The following PTK2 variants were observed in gnomAD, a reference collection of about 807,000 sequenced individuals.
PTK2 encodes the protein focal adhesion kinase 1.
A neutral mutation model predicts 150.1 loss-of-function variants in PTK2; 45 were observed. The ratio of observed to expected loss-of-function variants is 0.30; its 90% CI spans 0.24 to 0.38. PTK2 has a LOEUF of 0.38. Among genes scored for constraint, PTK2 ranks in the 10% least tolerant of loss-of-function variants. PTK2 has a pLI of 1.00. For synonymous variants in PTK2, 432 were observed against 449.2 expected, an observed-to-expected ratio of 0.96 and a Z score of 0.48; for missense variants, 919 against 1,307.3, an observed-to-expected ratio of 0.70 and a Z score of 4.58.
chr8:140,675,762 C>T (rs992681069), intron 27 of PTK2: 2 of 368,386 alleles, frequency 5.4e-6, no homozygotes, highest in African/African-American at 4.1e-5. Flanking sequence ...GTGGTCATAA[C>T]CCATTTAAAA....
chr8:140,877,220 A>G (rs1209824184), intron 4 of PTK2, among the ~76,000 whole-genome samples: 1 of 151,742 alleles, frequency 6.6e-6, no homozygotes, highest in Non-Finnish European at 1.5e-5. Context: ...TTTAGTAGAG[A>G]CAGGGTTTCA....
chr8:140,799,415 A>C (rs761709091), intron 12 of PTK2: 2 of 152,380 alleles, frequency 1.3e-5, no homozygotes, highest in Non-Finnish European at 2.9e-5. Context: ...TTTCCTCTAT[A>C]ATCATCCTAG....
At chr8:140,694,042 C>CTTTTTT (rs797013196) in intron 26 of PTK2, among the ~76,000 whole-genome samples, 7 of 136,970 alleles carry the variant, frequency 5.1e-5, no homozygotes, top group South Asian at 2.4e-4. Flanking sequence ...CTTTTCTTTT[C>CTTTTTT]TTTTTTTTTT....
At chr8:140,842,552 A>G (rs757525920) in intron 7 of PTK2, among the ~76,000 whole-genome samples, 14 of 152,128 alleles carry the variant, frequency 9.2e-5, no homozygotes, top group Non-Finnish European at 1.5e-4. Context: ...ACACGTTTGG[A>G]AACAGACACC....
intron 14 of PTK2, among the ~76,000 whole-genome samples, chr8:140,768,077 C>T (rs1167969484): frequency 6.6e-6 from 1 of 152,102 alleles, no homozygotes; most frequent in East Asian, 1.9e-4. Context: ...TTAATAATGA[C>T]ATTGACTACT....
chr8:140,960,326 T>C (rs2100182714), intron 1 of PTK2, among the ~76,000 whole-genome samples: 1 of 148,228 alleles, frequency 6.7e-6, no homozygotes, highest in African/African-American at 2.5e-5. Context: ...GCCTCCCAAG[T>C]AGCTGGCATG....
At chr8:140,896,580 T>C (rs924894596) in intron 2 of PTK2, among the ~76,000 whole-genome samples, 3 of 152,150 alleles carry the variant, frequency 2.0e-5, no homozygotes, top group Non-Finnish European at 4.4e-5. Flanking sequence ...CCATTCATGA[T>C]AAAAACTCGC....
Position 140,803,005 on chromosome 8 carries a change from C to CTTTTTTTTTT in PTK2, c.975+528_975+537dup, listed in dbSNP as rs778981723. Among the ~76,000 whole-genome samples the CTTTTTTTTTT allele has an allele frequency of 3.5e-4, 27 of 77,364 alleles. 5 individuals are homozygous for CTTTTTTTTTT. The highest frequency in any genetic ancestry group is 1.1e-3 in the African/African-American group (23 of 20,260). The allele number at this position is 77,364 out of a possible 152,430, so 50.8% of individuals were successfully genotyped here. A position where few individuals can be genotyped will look rare whatever the true frequency, so the allele number is the denominator to read the frequency against. ...AATTTCCTTGGTACTTGATGACAAT[C>CTTTTTTTTTT]TTTTTTTTTTTTTTTTTTTTTTTTT... On this transcript the variant is annotated intron_variant, in intron 11 of 31. Coordinates refer to ENST00000522684, the Ensembl canonical transcript of PTK2.
At chr8:140,803,416 C>T (rs2100096434) in intron 11 of PTK2, 127 bp downstream of exon 11, 8 of 734,000 alleles carry the variant, frequency 1.1e-5, no homozygotes, top group Non-Finnish European at 1.9e-5. Context: ...GTAACCCTTT[C>T]TATATATAAG....
chr8:140,998,275 T>C (rs1158920076), intron 1 of PTK2, among the ~76,000 whole-genome samples: 2 of 152,176 alleles, frequency 1.3e-5, no homozygotes, highest in Non-Finnish European at 2.9e-5. Context: ...TTATAAACAC[T>C]TTGAAATGCA....
At chr8:140,949,141 T>A (rs1000264139) in intron 1 of PTK2, among the ~76,000 whole-genome samples, 51 of 152,284 alleles carry the variant, frequency 3.3e-4, no homozygotes, top group Non-Finnish European at 6.8e-4. Flanking sequence ...TCTTAATATT[T>A]CTATATTTCT....
At chr8:140,740,457 C>G (rs1182388163) in intron 20 of PTK2, among the ~76,000 whole-genome samples, 4 of 152,216 alleles carry the variant, frequency 2.6e-5, no homozygotes, top group African/African-American at 9.6e-5. Flanking sequence ...TCTGGACTTT[C>G]TTCTGTAAGC....
chr8:140,944,738 G>A (rs893012849), intron 1 of PTK2, among the ~76,000 whole-genome samples: 15 of 152,094 alleles, frequency 9.9e-5, no homozygotes, highest in Admixed American at 6.6e-5. Context: ...TGTGTACAGC[G>A]CACCCACTGA....
chr8:140,894,610 T>C (rs1426597436), intron 2 of PTK2, among the ~76,000 whole-genome samples: 1 of 152,188 alleles, frequency 6.6e-6, no homozygotes, highest in Admixed American at 6.5e-5. Flanking sequence ...CCAGGATTTA[T>C]TAAGTTAAAA....
In PTK2 at chr8:140,854,547, C is replaced by T. The variant is rs1224518815; in HGVS notation, c.451-7869G>A. Reference sequence around the variant, plus strand: ...CCTCATGAGTCATTAGCTTTATTGTCAAACTCATTTTTATAAATTCCTGCT... The same window carrying T: ...CCTCATGAGTCATTAGCTTTATTGTTAAACTCATTTTTATAAATTCCTGCT... On this transcript the variant is annotated intron_variant, in intron 5 of 31. Transcript: ENST00000522684. 2.0e-5 allele frequency among the ~76,000 whole-genome samples: 3 copies of T among 152,152 alleles called. No homozygotes were observed. In the South Asian group the frequency reaches 6.2e-4, roughly 32 times the overall value.
intron 1 of PTK2, among the ~76,000 whole-genome samples, chr8:140,931,467 A>C (rs1018616700): frequency 6.6e-6 from 1 of 152,196 alleles, no homozygotes; most frequent in Non-Finnish European, 1.5e-5. Context: ...CAGGAGGCTG[A>C]GGTGGGAGGA....
intron 22 of PTK2, among the ~76,000 whole-genome samples, chr8:140,731,522 T>C (rs1315361185): frequency 6.6e-6 from 1 of 152,134 alleles, no homozygotes; most frequent in Non-Finnish European, 1.5e-5. Context: ...CTCATCAAAG[T>C]AGGACCAAGG....
At chr8:140,869,439 A>T (rs1338097804) in intron 4 of PTK2, among the ~76,000 whole-genome samples, 1 of 152,152 alleles carries the variant, frequency 6.6e-6, no homozygotes, top group African/African-American at 2.4e-5. Flanking sequence ...CCTTGTATAG[A>T]ATCAGTAGTG....
At chr8:140,927,994 G>GTA (rs2100170340) in intron 1 of PTK2, among the ~76,000 whole-genome samples, 1 of 79,848 alleles carries the variant, frequency 1.3e-5, no homozygotes, top group Non-Finnish European at 2.3e-5. Flanking sequence ...ATATATATAT[G>GTA]TATATATATA....
Sources: gnomAD v4.1 joint callset for allele counts (sites outside exome capture counted in the v4.1 genomes callset) on GRCh38, gnomAD v4.1.1 for gene constraint, MANE v1.5 for transcripts, NCBI Gene and HGNC (gene_info 2026-07-23, HGNC 2026-07-21) for gene names.